Variants in NARS1 observed in about 807,000 individuals in gnomAD.
The protein encoded by NARS1 is asparagine--tRNA ligase, cytoplasmic.
NARS1 carries 65 observed loss-of-function variants against 79.2 expected under a neutral mutation model. That is an observed-to-expected ratio of 0.82 (90% CI 0.67 to 1.01). The LOEUF is 1.01. Among genes scored for constraint, NARS1 ranks in the 50% least tolerant of loss-of-function variants. The pLI is 0.00. For synonymous variants in NARS1, 229 were observed against 238.8 expected (o/e 0.96, Z 0.38); for missense variants, 649 against 673.8 (o/e 0.96, Z 0.41).
intron 12 of NARS1, 115 bp downstream of exon 12, chr18:57,602,697 T>C (rs2051519125): frequency 3.0e-6 from 4 of 1,339,136 alleles, no homozygotes; most frequent in South Asian, 1.5e-5. Flanking sequence ...TCTTTAAATA[T>C]TGTTATTCTA....
At chr18:57,607,833 T>C (rs2051571951) in intron 7 of NARS1, among the ~76,000 whole-genome samples, 168 bp from the exon 8 acceptor site, 1 of 151,020 alleles carries the variant, frequency 6.6e-6, no homozygotes, top group Non-Finnish European at 1.5e-5. Context: ...CCAATGTTCT[T>C]TCTGGATAAA....
chr18:57,615,329 C>T (rs184640395), intron 4 of NARS1, among the ~76,000 whole-genome samples: 54 of 152,134 alleles, frequency 3.5e-4, no homozygotes, highest in Non-Finnish European at 6.3e-4. Context: ...GGTGAAACCC[C>T]GTCTCTACCA....
In NARS1 at chr18:57,600,896, A is replaced by C. The variant is rs180883037; in HGVS notation, c.*756T>G. 1 of 152,330 alleles carries C rather than the reference A, an allele frequency of 6.6e-6. No homozygotes were observed. Among genetic ancestry groups the C allele is most frequent in the Non-Finnish European group, 1.5e-5 (1 of 68,036 alleles). 9.4% of individuals were successfully genotyped at this position (152,330 alleles called of 1,614,324 possible). ...TTTTGGAACTTATTTATTCTTAATTACTTAGGAATTACCAGGAAAGAGGGA... is the reference window on the plus strand; with the variant it reads ...TTTTGGAACTTATTTATTCTTAATTCCTTAGGAATTACCAGGAAAGAGGGA... On this transcript the variant is annotated 3_prime_UTR_variant, in exon 14 of 14. Transcript: ENST00000256854.
chr18:57,614,045 A>G (rs1463265776), intron 4 of NARS1, among the ~76,000 whole-genome samples: 2 of 152,194 alleles, frequency 1.3e-5, no homozygotes, highest in East Asian at 3.8e-4. Flanking sequence ...ATGACCCCAC[A>G]GTTCTTCAAT....
chr18:57,608,527 A>C (rs771050258), intron 7 of NARS1, among the ~76,000 whole-genome samples: 15 of 150,304 alleles, frequency 1.0e-4, no homozygotes, highest in Admixed American at 5.3e-4. Flanking sequence ...TTAAGTTTTT[A>C]TTTCCATCTG....
At chr18:57,616,547 C>A (rs1418499351) in intron 2 of NARS1, among the ~76,000 whole-genome samples, 1 of 151,956 alleles carries the variant, frequency 6.6e-6, no homozygotes, top group African/African-American at 2.4e-5. Flanking sequence ...CTATAAGCAA[C>A]AGATCTTAAG....
chr18:57,606,301 G>A (rs992057035), intron 10 of NARS1, among the ~76,000 whole-genome samples: 14 of 149,592 alleles, frequency 9.4e-5, no homozygotes, highest in South Asian at 2.1e-4. Context: ...AGCAGAGATC[G>A]CGCCACTGTA....
chr18:57,615,646 T>G lies in NARS1; in HGVS notation c.337A>C (p.Lys113Gln), dbSNP rs896859863. ...IKNDPSLPEPKCVKIGALEGY... is the reference protein window; with the variant it reads ...IKNDPSLPEPQCVKIGALEGY... ...GAAAAGATAAACAAACTTACACATT[T>G]TGGCTCTGGGAGACTTGGATCATTT... Residue 113 changes from lysine to glutamine, a missense_variant, in exon 4 of 14, where the codon AAA becomes CAA. By Grantham distance (53) the Lys-to-Gln change is moderately conservative. Transcript: ENST00000256854. 1 of 1,605,348 alleles carries G rather than the reference T, an allele frequency of 6.2e-7. No homozygotes were observed. The highest frequency in any genetic ancestry group is 1.3e-5 in the African/African-American group (1 of 74,770).
chr18:57,616,336 C>T (rs1161711091), intron 2 of NARS1, among the ~76,000 whole-genome samples: 4 of 150,992 alleles, frequency 2.6e-5, no homozygotes, highest in African/African-American at 2.4e-5. Context: ...AGGAGAATGG[C>T]GTGAACCTGG....
chr18:57,619,987 CT>C (rs2122462167), intron 2 of NARS1, among the ~76,000 whole-genome samples: 1 of 152,296 alleles, frequency 6.6e-6, no homozygotes, highest in Admixed American at 6.5e-5. Context: ...CACACCAGGC[CT>C]GAGTCCAAGC....
rs745707947 is a variant in NARS1, at chr18:57,607,303, C to T, written c.832G>A (p.Val278Ile). The change falls in exon 9 of 14, where the codon GTA becomes ATA. Residue 278 changes from valine to isoleucine, a missense_variant. Transcript: ENST00000256854. ...TTGAAGAGTGTGGCACCACCTTCTACTTGTGTTTGCACTAATGTTGGAGGA... is the reference window on the plus strand; with the variant it reads ...TTGAAGAGTGTGGCACCACCTTCTATTTGTGTTTGCACTAATGTTGGAGGA... ...VTPPTLVQTQ[V>I]EGGATLFKLD... 3 of 1,614,134 alleles carry T rather than the reference C, an allele frequency of 1.9e-6. No individual in the cohort carries two copies. Among genetic ancestry groups the T allele is most frequent in the South Asian group, 1.1e-5 (1 of 91,074 alleles).
intron 2 of NARS1, among the ~76,000 whole-genome samples, chr18:57,619,133 C>T (rs1175038053): frequency 6.6e-6 from 1 of 151,978 alleles, no homozygotes; most frequent in Non-Finnish European, 1.5e-5. Context: ...TTGTTGTTGT[C>T]GTCCAGGCTG....
intron 6 of NARS1, among the ~76,000 whole-genome samples, chr18:57,610,719 T>C (rs35867883): frequency 0.28 from 42,304 of 151,160 alleles, 6,566 homozygotes; most frequent in Non-Finnish European, 0.36. Flanking sequence ...AAGAAATACA[T>C]AGTAATGGGT....
chr18:57,612,970 T>G (rs1024243114), intron 5 of NARS1, among the ~76,000 whole-genome samples: 1 of 152,190 alleles, frequency 6.6e-6, no homozygotes, highest in Non-Finnish European at 1.5e-5. Context: ...AAAACTCAAC[T>G]TGACAAATAT....
chr18:57,601,651 GT>G lies in NARS1; in HGVS notation c.1647del (p.Ter549TyrfsTer45). 6.2e-7 allele frequency: 1 copy of G among 1,613,426 alleles called. No individual in the cohort carries two copies. The highest frequency in any genetic ancestry group is 8.5e-7 in the Non-Finnish European group (1 of 1,179,518). On this transcript the variant is annotated frameshift_variant and stop_lost, in exon 14 of 14. Transcript: ENST00000256854. LOFTEE classifies it high-confidence loss of function. ...TTCCTCCACGCTTCTGGAGAAAATGGTTATGGCGTGCAACGCTGGACAAATC... is the reference window on the plus strand; with the variant it reads ...TTCCTCCACGCTTCTGGAGAAAATGGTATGGCGTGCAACGCTGGACAAATC... The part of the protein sequence containing the change: ...YPRFVQRCTP[*>X]
intron 2 of NARS1, among the ~76,000 whole-genome samples, chr18:57,618,785 C>T (rs762495014): frequency 1.3e-5 from 2 of 152,004 alleles, no homozygotes; most frequent in Non-Finnish European, 2.9e-5. Context: ...CCCTGTGGTC[C>T]GAGCTACTTG....
At chr18:57,618,289 CAAAA>C (rs34320460) in intron 2 of NARS1, among the ~76,000 whole-genome samples, 1 of 122,844 alleles carries the variant, frequency 8.1e-6, no homozygotes, top group Non-Finnish European at 1.6e-5. Flanking sequence ...AACTCTGTCT[CAAAA>C]AAAAAAAAAA....
chr18:57,613,349 C>T (rs2051620829), intron 5 of NARS1, among the ~76,000 whole-genome samples: 1 of 152,066 alleles, frequency 6.6e-6, no homozygotes, highest in Non-Finnish European at 1.5e-5. Context: ...AAAAATCAGC[C>T]AGGTGTGGTG....
intron 1 of NARS1, among the ~76,000 whole-genome samples, chr18:57,620,935 A>G (rs1908274241): frequency 6.6e-6 from 1 of 152,224 alleles, no homozygotes; most frequent in Non-Finnish European, 1.5e-5. Flanking sequence ...TGGGCTTTGA[A>G]GTTGATCAGA....
Sources: allele counts gnomAD v4.1 joint callset (sites outside exome capture counted in the v4.1 genomes callset), GRCh38; gene constraint gnomAD v4.1.1; transcripts MANE v1.5; gene names NCBI Gene and HGNC (gene_info 2026-07-23, HGNC 2026-07-21).